Variants in DCLK2 observed in about 807,000 individuals in gnomAD.
The protein encoded by DCLK2 is doublecortin like kinase 2, also known as serine/threonine-protein kinase DCLK2.
A neutral mutation model predicts 78.4 loss-of-function variants in DCLK2; 31 were observed. The observed-to-expected ratio is 0.40, with a 90% CI of 0.30 to 0.53. The LOEUF (loss-of-function observed/expected upper bound fraction) is 0.53, where lower values mean the gene tolerates loss of function less well. Among genes scored for constraint, DCLK2 ranks in the 20% least tolerant of loss-of-function variants. The pLI, the probability that DCLK2 is intolerant of heterozygous loss-of-function variation, is 0.61. For missense variants in DCLK2, 872 were observed against 973.7 expected, an observed-to-expected ratio of 0.90 and a Z score of 1.39; for synonymous variants, 407 against 374.9, an observed-to-expected ratio of 1.09 and a Z score of -0.99.
At chr4:150,212,660 G>A (rs1291620679) in intron 5 of DCLK2, among the ~76,000 whole-genome samples, 1 of 152,206 alleles carries the variant, frequency 6.6e-6, no homozygotes, top group Non-Finnish European at 1.5e-5. Context: ...GCACATTGTA[G>A]TTGCTCAGTC....
At chr4:150,254,177 C>T (rs779723042) in intron 15 of DCLK2, among the ~76,000 whole-genome samples, 5 of 152,228 alleles carry the variant, frequency 3.3e-5, no homozygotes, top group Non-Finnish European at 7.3e-5. Context: ...TGCCGAGAAG[C>T]CGCCGTCACT....
chr4:150,227,328 A>G (rs1294493596), intron 8 of DCLK2, among the ~76,000 whole-genome samples: 3 of 152,238 alleles, frequency 2.0e-5, no homozygotes, highest in Admixed American at 2.0e-4. Flanking sequence ...ATTTTGGTGC[A>G]TATTCTGTCT....
chr4:150,119,772 A>T (rs879665196), intron 2 of DCLK2, among the ~76,000 whole-genome samples: 7 of 152,052 alleles, frequency 4.6e-5, no homozygotes, highest in East Asian at 1.9e-4. Context: ...AAAGAAGAAA[A>T]TTTTTTTTAG....
intron 2 of DCLK2, among the ~76,000 whole-genome samples, chr4:150,135,289 G>A (rs1298136964): frequency 6.6e-6 from 1 of 152,152 alleles, no homozygotes; most frequent in Non-Finnish European, 1.5e-5. Context: ...AAGTCCTGAA[G>A]TGAAGAAATC....
chr4:150,133,345 C>G (rs145355156), intron 2 of DCLK2, among the ~76,000 whole-genome samples: 1 of 152,122 alleles, frequency 6.6e-6, no homozygotes, highest in South Asian at 2.1e-4. Flanking sequence ...AGAATGACCA[C>G]GAAAGTACCA....
At chr4:150,214,556 C>G (rs1193155853) in intron 5 of DCLK2, among the ~76,000 whole-genome samples, 1 of 152,166 alleles carries the variant, frequency 6.6e-6, no homozygotes, top group Non-Finnish European at 1.5e-5. Flanking sequence ...TATCCATGCT[C>G]ATCTGTTCAT....
intron 15 of DCLK2, among the ~76,000 whole-genome samples, chr4:150,250,808 G>A (rs749526796): frequency 1.0e-4 from 15 of 150,296 alleles, no homozygotes; most frequent in Non-Finnish European, 2.1e-4. Context: ...CTAGGAAGAC[G>A]CAGGGTCTAG....
intron 2 of DCLK2, among the ~76,000 whole-genome samples, chr4:150,156,694 C>T (rs1735295587): frequency 6.6e-6 from 1 of 151,284 alleles, no homozygotes; most frequent in African/African-American, 2.4e-5. Context: ...ACACACATGT[C>T]CACACACCAA....
At chr4:150,114,935 C>G (rs1352451290) in intron 2 of DCLK2, among the ~76,000 whole-genome samples, 1 of 152,196 alleles carries the variant, frequency 6.6e-6, no homozygotes, top group Non-Finnish European at 1.5e-5. Context: ...ATCTAAATCT[C>G]TAGCAAGGCC....
intron 2 of DCLK2, among the ~76,000 whole-genome samples, chr4:150,180,851 A>G (rs1737459602): frequency 6.6e-6 from 1 of 152,060 alleles, no homozygotes; most frequent in Non-Finnish European, 1.5e-5. Flanking sequence ...ACTTTCCCCA[A>G]ACCTTTCTCT....
chr4:150,164,922 G>C (rs1196096391), intron 2 of DCLK2, among the ~76,000 whole-genome samples: 2 of 152,176 alleles, frequency 1.3e-5, no homozygotes, highest in Admixed American at 1.3e-4. Context: ...AAATTATCTT[G>C]ATTCTTGTCA....
At chr4:150,116,382 C>T (rs1352990446) in intron 2 of DCLK2, among the ~76,000 whole-genome samples, 1 of 152,224 alleles carries the variant, frequency 6.6e-6, no homozygotes, top group Non-Finnish European at 1.5e-5. Flanking sequence ...GAGCCCGGCA[C>T]TGCGCCTATG....
At chr4:150,210,543 G>A (rs1381256881) in intron 5 of DCLK2, among the ~76,000 whole-genome samples, 2 of 152,176 alleles carry the variant, frequency 1.3e-5, no homozygotes, top group East Asian at 3.8e-4. Flanking sequence ...GGAGGCTGAG[G>A]CAGGAGAATT....
chr4:150,108,475 C>T (rs1360075290), intron 2 of DCLK2, among the ~76,000 whole-genome samples: 3 of 151,662 alleles, frequency 2.0e-5, no homozygotes, highest in Non-Finnish European at 2.9e-5. Flanking sequence ...ACCCAGGAGG[C>T]GGAGCTTGCA....
chr4:150,135,529 A>G (rs917133487), intron 2 of DCLK2, among the ~76,000 whole-genome samples: 1 of 152,220 alleles, frequency 6.6e-6, no homozygotes, highest in African/African-American at 2.4e-5. Context: ...GAAGAAAGCA[A>G]TGAAGGAGAA....
chr4:150,166,011 C>T (rs1441086417), intron 2 of DCLK2, among the ~76,000 whole-genome samples: 2 of 152,140 alleles, frequency 1.3e-5, no homozygotes, highest in East Asian at 3.9e-4. Flanking sequence ...GACACCAGTG[C>T]CAAGCCCTTG....
At chr4:150,185,208 A>C (rs2126307906) in intron 2 of DCLK2, among the ~76,000 whole-genome samples, 1 of 152,308 alleles carries the variant, frequency 6.6e-6, no homozygotes, top group Non-Finnish European at 1.5e-5. Flanking sequence ...AGGAAGGAGA[A>C]GAATGAGCCA....
rs1741438838 is a variant in DCLK2 at position 150,224,417 on chromosome 4, A to T, written c.1242-84A>T. ...ATCTCATCTCTACAAAAAAAAAAAA[A>T]ATTAAAGTATAAAAAAGAAAGAAAA... On this transcript the variant is annotated intron_variant, in intron 7 of 15. Coordinates refer to ENST00000296550, the MANE Select transcript of DCLK2 (RefSeq NM_001040260.4). 3.7e-6 allele frequency: 5 copies of T among 1,358,818 alleles called. No homozygotes were observed. The Admixed American group carries it at 9.3e-5, about 25-fold the overall frequency. The allele number at this position is 1,358,818 out of a possible 1,614,324, so 84.2% of individuals were successfully genotyped here. A position where few individuals can be genotyped will look rare whatever the true frequency, so the allele number is the denominator to read the frequency against.
At chr4:150,174,503 T>A (rs1421703765) in intron 2 of DCLK2, among the ~76,000 whole-genome samples, 1 of 152,140 alleles carries the variant, frequency 6.6e-6, no homozygotes, top group Non-Finnish European at 1.5e-5. Flanking sequence ...GAGCTACTTT[T>A]GTGTTTGCGG....
Sources: gnomAD v4.1 joint callset for allele counts (sites outside exome capture counted in the v4.1 genomes callset) on GRCh38, gnomAD v4.1.1 for gene constraint, MANE v1.5 for transcripts, NCBI Gene and HGNC (gene_info 2026-07-23, HGNC 2026-07-21) for gene names.